NBAS: variants seen among roughly 807,000 people sequenced by gnomAD.
NBAS encodes NAG/BC035112 fusion.
Under a neutral mutation model 302.5 loss-of-function variants are expected in NBAS, and 219 were observed. The observed-to-expected ratio is 0.72, with a 90% CI of 0.65 to 0.81. The LOEUF is 0.81. NBAS is among the 30% of genes least tolerant of loss of function. The pLI, the probability that NBAS is intolerant of heterozygous loss-of-function variation, is 0.00. For synonymous variants in NBAS, 1,118 were observed against 1,021.6 expected (o/e 1.09, Z -1.80); for missense variants, 2,932 against 2,841.6 (o/e 1.03, Z -0.72).
intron 12 of NBAS, among the ~76,000 whole-genome samples, chr2:15,482,839 T>C (rs530673451): frequency 3.2e-4 from 49 of 152,228 alleles, no homozygotes; most frequent in African/African-American, 1.2e-3. Context: ...TTGTTATGCT[T>C]TTCTCTTGTT....
At chr2:15,404,880 T>G (rs1676336206) in intron 25 of NBAS, among the ~76,000 whole-genome samples, 1 of 152,172 alleles carries the variant, frequency 6.6e-6, no homozygotes. Context: ...AAACTTTACG[T>G]TGAGAATCCT....
At chr2:14,806,481 A>G in the NBAS span, among the ~76,000 whole-genome samples, 1 of 152,182 alleles carries the variant, frequency 6.6e-6, no homozygotes, top group Non-Finnish European at 1.5e-5. Flanking sequence ...AGCTTAGTTC[A>G]TTACACTTTA....
the NBAS span, among the ~76,000 whole-genome samples, chr2:14,848,218 C>CA: frequency 2.6e-5 from 4 of 151,356 alleles, no homozygotes; most frequent in East Asian, 1.9e-4. Flanking sequence ...ACAGTGGGTG[C>CA]GCGCACCATG....
chr2:15,121,885 T>G, the NBAS span, among the ~76,000 whole-genome samples: 1 of 152,172 alleles, frequency 6.6e-6, no homozygotes, highest in East Asian at 1.9e-4. Context: ...TAATAAAATA[T>G]TATTGAATTA....
the NBAS span, among the ~76,000 whole-genome samples, chr2:15,143,949 G>A: frequency 2.7e-5 from 4 of 150,326 alleles, no homozygotes; most frequent in Non-Finnish European, 2.9e-5. Flanking sequence ...TTTGGAACTC[G>A]GACGGGCTCT....
At chr2:14,786,191 G>A in the NBAS span, among the ~76,000 whole-genome samples, 1 of 151,936 alleles carries the variant, frequency 6.6e-6, no homozygotes, top group African/African-American at 2.4e-5. Flanking sequence ...TTTTTATTGT[G>A]TCTGTTTGAT....
intron 17 of NBAS, among the ~76,000 whole-genome samples, chr2:15,468,153 C>T (rs1679805406): frequency 7.1e-6 from 1 of 141,520 alleles, no homozygotes; most frequent in African/African-American, 2.6e-5. Context: ...ATGGTAGTGT[C>T]AGTCTCATTT....
chr2:15,112,171 TA>T, the NBAS span, among the ~76,000 whole-genome samples: 1 of 150,848 alleles, frequency 6.6e-6, no homozygotes, highest in Non-Finnish European at 1.5e-5. Flanking sequence ...TAAACAATGT[TA>T]AAAATGATGT....
At position 15,467,648 on chromosome 2, in the gene NBAS, G is replaced by C; in HGVS notation, c.2018+16C>G. 6.2e-7 allele frequency: 1 copy of C among 1,607,260 alleles called. No homozygotes were observed. The highest frequency in any genetic ancestry group is 8.5e-7 in the Non-Finnish European group (1 of 1,174,318). ...TTTTAAAGAAACTATCAAATGAACA[G>C]TAACAACTCATTTACTTGGAAAAGT... On this transcript the variant is annotated intron_variant, in intron 18 of 51. Transcript: ENST00000281513.
chr2:15,046,926 T>C, the NBAS span, among the ~76,000 whole-genome samples: 1 of 152,134 alleles, frequency 6.6e-6, no homozygotes, highest in Non-Finnish European at 1.5e-5. Flanking sequence ...CAGGAAGACC[T>C]ATAACTGGTC....
At chr2:15,095,439 G>T in the NBAS span, among the ~76,000 whole-genome samples, 1 of 152,192 alleles carries the variant, frequency 6.6e-6, no homozygotes, top group Non-Finnish European at 1.5e-5. Flanking sequence ...CAGATCTCGT[G>T]AGACTTATTC....
chr2:15,152,694 T>C, the NBAS span, among the ~76,000 whole-genome samples: 1 of 152,240 alleles, frequency 6.6e-6, no homozygotes, highest in African/African-American at 2.4e-5. Context: ...ATGAAATAAA[T>C]TCTAGTAAAT....
chr2:14,875,067 T>C, the NBAS span, among the ~76,000 whole-genome samples: 1 of 152,126 alleles, frequency 6.6e-6, no homozygotes, highest in East Asian at 1.9e-4. Context: ...TTAATGGTAA[T>C]AGATAATACA....
the NBAS span, among the ~76,000 whole-genome samples, chr2:15,034,043 G>GAGGAGGA: frequency 3.0e-4 from 22 of 74,168 alleles, no homozygotes; most frequent in Non-Finnish European, 4.9e-4. Context: ...GAGGAAGGAG[G>GAGGAGGA]AGGAGGAGGA....
At chr2:15,026,300 C>G in the NBAS span, among the ~76,000 whole-genome samples, 2 of 44,234 alleles carry the variant, frequency 4.5e-5, 1 homozygote, top group Non-Finnish European at 7.9e-5. Flanking sequence ...ACTAAAAATA[C>G]AAAAAATTAG....
chr2:14,939,953 G>T, the NBAS span, among the ~76,000 whole-genome samples: 1 of 152,190 alleles, frequency 6.6e-6, no homozygotes, highest in East Asian at 1.9e-4. Context: ...ACGGGTCATA[G>T]GAATTGAAAG....
At chr2:14,900,126 T>TTTTTG in the NBAS span, among the ~76,000 whole-genome samples, 2 of 151,604 alleles carry the variant, frequency 1.3e-5, no homozygotes, top group East Asian at 1.9e-4. Context: ...TTTTTTTTTT[T>TTTTTG]GACTGGTTCT....
the NBAS span, among the ~76,000 whole-genome samples, chr2:14,888,881 A>G: frequency 6.6e-6 from 1 of 152,232 alleles, no homozygotes; most frequent in Admixed American, 6.5e-5. Context: ...AGTAGAGGTC[A>G]GTTGAAATGA....
chr2:14,830,918 A>G, the NBAS span, among the ~76,000 whole-genome samples: 66,407 of 151,978 alleles, frequency 0.44, 15,805 homozygotes, highest in African/African-American at 0.64. Context: ...ACCATGGCCA[A>G]TTTTAAGCTA....
Sources: allele counts gnomAD v4.1 joint callset (sites outside exome capture counted in the v4.1 genomes callset), GRCh38; gene constraint gnomAD v4.1.1; transcripts MANE v1.5; gene names NCBI Gene and HGNC (gene_info 2026-07-23, HGNC 2026-07-21).